Variants in CDH12 observed in about 807,000 individuals in gnomAD.
The protein encoded by CDH12 is cadherin-12.
CDH12 carries 41 observed loss-of-function variants against 74.1 expected under a neutral mutation model. The ratio of observed to expected loss-of-function variants is 0.55; its 90% CI spans 0.43 to 0.72. The LOEUF (loss-of-function observed/expected upper bound fraction) is 0.72. CDH12 is among the 30% of genes least tolerant of loss of function. The probability of loss-of-function intolerance (pLI) is 0.00; values close to 1 mark genes in which losing one functional copy is unlikely to be tolerated. For synonymous variants in CDH12, 399 were observed against 355.0 expected (o/e 1.12, Z -1.39); for missense variants, 945 against 977.2 (o/e 0.97, Z 0.44).
At chr5:22,249,333 C>A (rs1753060436) in intron 3 of CDH12, among the ~76,000 whole-genome samples, 1 of 152,072 alleles carries the variant, frequency 6.6e-6, no homozygotes, top group African/African-American at 2.4e-5. Context: ...GAGAGGAAAG[C>A]AGAATGGTCA....
intron 6 of CDH12, among the ~76,000 whole-genome samples, chr5:21,927,989 G>A (rs910746967): frequency 6.0e-5 from 9 of 151,006 alleles, no homozygotes; most frequent in Middle Eastern, 3.5e-3. Flanking sequence ...GGAGAATGGC[G>A]TGAACCCGGG....
At chr5:22,485,932 T>C (rs1241264489) in intron 2 of CDH12, among the ~76,000 whole-genome samples, 2 of 152,140 alleles carry the variant, frequency 1.3e-5, no homozygotes, top group African/African-American at 4.8e-5. Context: ...AGAGGGGCAA[T>C]AGGGTTAAAG....
chr5:22,820,133 A>G (rs1053349685), intron 1 of CDH12, among the ~76,000 whole-genome samples: 1 of 151,336 alleles, frequency 6.6e-6, no homozygotes, highest in Non-Finnish European at 1.5e-5. Context: ...TTACTAAATT[A>G]TATCCAATGC....
chr5:22,507,648 C>T (rs984635083), intron 1 of CDH12, among the ~76,000 whole-genome samples: 2 of 152,088 alleles, frequency 1.3e-5, no homozygotes, highest in Non-Finnish European at 2.9e-5. Flanking sequence ...AATTCTAAGC[C>T]ATTTCATTCC....
At chr5:22,100,993 A>T (rs1324016824) in intron 4 of CDH12, among the ~76,000 whole-genome samples, 1 of 152,076 alleles carries the variant, frequency 6.6e-6, no homozygotes, top group Non-Finnish European at 1.5e-5. Flanking sequence ...TTTACAATAG[A>T]TTCTTATTTC....
At chr5:22,849,484 G>C (rs898106253) in intron 1 of CDH12, among the ~76,000 whole-genome samples, 13 of 152,212 alleles carry the variant, frequency 8.5e-5, no homozygotes, top group Admixed American at 3.9e-4. Flanking sequence ...TGCTTTGCCG[G>C]TAAGTCTAAA....
chr5:22,624,566 T>C (rs1187259345), intron 1 of CDH12, among the ~76,000 whole-genome samples: 1 of 152,138 alleles, frequency 6.6e-6, no homozygotes, highest in African/African-American at 2.4e-5. Context: ...AAAATGCTCA[T>C]CATCACTGGC....
chr5:22,151,777 G>A (rs1213326883), intron 4 of CDH12: 2 of 152,134 alleles, frequency 1.3e-5, no homozygotes, highest in East Asian at 3.9e-4. Flanking sequence ...AAACAGTTAA[G>A]TCAATATATT....
chr5:22,491,413 A>G (rs1727463976), intron 2 of CDH12, among the ~76,000 whole-genome samples: 1 of 152,116 alleles, frequency 6.6e-6, no homozygotes, highest in Admixed American at 6.6e-5. Context: ...TTTGGATTCC[A>G]TTTAAGTAGA....
intron 2 of CDH12, among the ~76,000 whole-genome samples, chr5:22,490,536 T>A (rs1205388485): frequency 6.7e-6 from 1 of 150,318 alleles, no homozygotes; most frequent in Non-Finnish European, 1.5e-5. Flanking sequence ...AAGAAAAAAA[T>A]TCACAAAGAC....
At chr5:22,843,216 G>A (rs1207868157) in intron 1 of CDH12, among the ~76,000 whole-genome samples, 1 of 151,946 alleles carries the variant, frequency 6.6e-6, no homozygotes, top group Non-Finnish European at 1.5e-5. Context: ...CCACAATACT[G>A]GGGAAGTCTT....
intron 8 of CDH12, among the ~76,000 whole-genome samples, chr5:21,825,522 C>T (rs1748621545): frequency 6.6e-6 from 1 of 152,130 alleles, no homozygotes; most frequent in South Asian, 2.1e-4. Flanking sequence ...AAAATTCTCC[C>T]TTGTCCCAAA....
chr5:22,532,527 A>C (rs1561473271), intron 1 of CDH12, among the ~76,000 whole-genome samples: 1 of 151,066 alleles, frequency 6.6e-6, no homozygotes, highest in African/African-American at 2.4e-5. Flanking sequence ...TCCAGAGCTC[A>C]AAAATTACTT....
chr5:22,418,410 C>T (rs1489447403), intron 2 of CDH12, among the ~76,000 whole-genome samples: 1 of 152,132 alleles, frequency 6.6e-6, no homozygotes, highest in Non-Finnish European at 1.5e-5. Flanking sequence ...AATTTGACTT[C>T]CTCTCTTCCT....
chr5:21,775,216 A>C (rs1203839699), intron 11 of CDH12, among the ~76,000 whole-genome samples: 1 of 152,206 alleles, frequency 6.6e-6, no homozygotes, highest in Admixed American at 6.5e-5. Flanking sequence ...ATTTCTGCCC[A>C]AACACCACAA....
chr5:22,257,914 T>TA (rs1275840425), intron 3 of CDH12, among the ~76,000 whole-genome samples: 1 of 152,066 alleles, frequency 6.6e-6, no homozygotes, highest in Non-Finnish European at 1.5e-5. Context: ...AATGGGTTAA[T>TA]CTAAGTGTCA....
At chr5:22,643,263 T>C (rs1739245047) in intron 1 of CDH12, among the ~76,000 whole-genome samples, 1 of 152,148 alleles carries the variant, frequency 6.6e-6, no homozygotes, top group East Asian at 1.9e-4. Flanking sequence ...CTCTGGGTAG[T>C]CAGCTGGTTT....
At chr5:22,435,301 G>C (rs1744332658) in intron 2 of CDH12, among the ~76,000 whole-genome samples, 1 of 151,872 alleles carries the variant, frequency 6.6e-6, no homozygotes, top group South Asian at 2.1e-4. Flanking sequence ...TTCAGCTTTG[G>C]GACTTGGACT....
Position 22,806,746 on chromosome 5 carries a change from A to G in CDH12, c.-523+46312T>C, listed in dbSNP as rs531646034. Among the ~76,000 whole-genome samples the G allele has an allele frequency of 4.7e-4, 72 of 151,984 alleles. 1 individual carries two copies. Among genetic ancestry groups the G allele is most frequent in the South Asian group, 2.1e-3 (10 of 4,818 alleles). The stretch of plus-strand genomic sequence containing the variant: ...GACCAGTGATGATGAGCTTTTTTTC[A>G]TATGTTTGTTGGCTGCAAAAATGTC... On this transcript the variant is annotated intron_variant, in intron 1 of 14. Transcript: ENST00000382254.
Sources: gnomAD v4.1 joint callset for allele counts (sites outside exome capture counted in the v4.1 genomes callset) on GRCh38, gnomAD v4.1.1 for gene constraint, MANE v1.5 for transcripts, NCBI Gene and HGNC (gene_info 2026-07-23, HGNC 2026-07-21) for gene names.